Variants in IL34 observed in about 807,000 individuals in gnomAD.
The protein encoded by IL34 is interleukin-34.
A neutral mutation model predicts 25.3 loss-of-function variants in IL34; 17 were observed. The observed-to-expected ratio is 0.67, with a 90% CI of 0.46 to 1.01. The LOEUF (loss-of-function observed/expected upper bound fraction) is 1.01. IL34 is among the 50% of genes least tolerant of loss of function. The pLI is 0.00. For synonymous variants in IL34, 174 were observed against 140.9 expected (o/e 1.23, Z -1.66); for missense variants, 368 against 312.9 (o/e 1.18, Z -1.33).
intron 1 of IL34, among the ~76,000 whole-genome samples, chr16:70,611,620 T>C (rs1048538692): frequency 1.3e-5 from 2 of 149,032 alleles, no homozygotes; most frequent in African/African-American, 5.0e-5. Flanking sequence ...TAAGACCCCA[T>C]ATCTACACAA....
chr16:70,657,744 C>T (rs1259328948), intron 4 of IL34, among the ~76,000 whole-genome samples: 1 of 152,080 alleles, frequency 6.6e-6, no homozygotes, highest in Non-Finnish European at 1.5e-5. Context: ...CATTGCACTC[C>T]AGCTTGGGCA....
In IL34 at chr16:70,646,721, C is replaced by A. The variant is rs74024416; in HGVS notation, c.-227C>A. On this transcript the variant is annotated 5_prime_UTR_variant, in exon 1 of 6. Coordinates refer to ENST00000288098, the MANE Select transcript of IL34 (RefSeq NM_001393494.1). ...TGCTTCTGGGCTGCCATGGGACTTG[C>A]GGCCACCGCCCCCCGGCTGTCCTCC... 82 of 482,764 alleles carry A rather than the reference C, an allele frequency of 1.7e-4. No individual in the cohort carries two copies. Among genetic ancestry groups the A allele is most frequent in the African/African-American group, 1.5e-3 (75 of 49,208 alleles). 29.9% of individuals were successfully genotyped at this position (482,764 alleles called of 1,614,324 possible).
At chr16:70,641,177 G>T (rs1290713381) in intron 1 of IL34, among the ~76,000 whole-genome samples, 4 of 152,150 alleles carry the variant, frequency 2.6e-5, no homozygotes, top group Admixed American at 6.6e-5. Flanking sequence ...GGGAGGCTAA[G>T]CAGGGGAATC....
At chr16:70,626,036 G>A (rs75823368) in intron 1 of IL34, among the ~76,000 whole-genome samples, 2,500 of 152,318 alleles carry the variant, frequency 0.016, 73 homozygotes, top group African/African-American at 0.058. Context: ...CATGAGAAGA[G>A]ACCACCACAC....
intron 1 of IL34, among the ~76,000 whole-genome samples, chr16:70,605,010 C>G (rs1044216189): frequency 6.6e-6 from 1 of 152,030 alleles, no homozygotes; most frequent in African/African-American, 2.4e-5. Context: ...CCTCTCAGAA[C>G]CAGGATTAGG....
intron 1 of IL34, among the ~76,000 whole-genome samples, chr16:70,588,009 AGCCTGGGTGACAGAGTGAGACCCTG>A (rs2050714392): frequency 6.6e-6 from 1 of 152,160 alleles, no homozygotes; most frequent in South Asian, 2.1e-4. Context: ...ACTGCACTCT[AGCCTGGGTGACAGAGTGAGACCCTG>A]TCTCAGAAAC....
At chr16:70,608,512 C>G (rs1201220415) in intron 1 of IL34, among the ~76,000 whole-genome samples, 2 of 152,190 alleles carry the variant, frequency 1.3e-5, no homozygotes, top group African/African-American at 4.8e-5. Flanking sequence ...CTAGGTGCCC[C>G]CAGCACATGG....
intron 1 of IL34, among the ~76,000 whole-genome samples, chr16:70,631,185 T>G (rs1453743448): frequency 1.3e-5 from 2 of 152,226 alleles, no homozygotes; most frequent in Non-Finnish European, 2.9e-5. Flanking sequence ...CTTTGGTTTT[T>G]CCAGTGTCTT....
At chr16:70,603,505 T>C (rs2050951554) in intron 1 of IL34, among the ~76,000 whole-genome samples, 1 of 152,130 alleles carries the variant, frequency 6.6e-6, no homozygotes. Context: ...CTCGAACTCC[T>C]GACCTCAGGT....
In IL34 at chr16:70,600,944, G is replaced by C. The variant is rs1157844177; in HGVS notation, c.-401+20895G>C. 2.8e-3 allele frequency among the ~76,000 whole-genome samples: 429 copies of C among 151,364 alleles called. 2 individuals carry two copies. Among genetic ancestry groups the C allele is most frequent in the African/African-American group, 9.7e-3 (398 of 40,830 alleles). ...ATGCTGGCAGAAGCAGGGCTGCTGG[G>C]AGGAGTAGGGGATGCTGGGAGAAGT... is the stretch of plus-strand genomic sequence containing the variant. On this transcript the variant is annotated intron_variant, in intron 1 of 6. Transcript: ENST00000429149.
intron 1 of IL34, among the ~76,000 whole-genome samples, chr16:70,593,921 T>A (rs1034362129): frequency 3.9e-5 from 6 of 152,224 alleles, no homozygotes; most frequent in Non-Finnish European, 7.3e-5. Context: ...CCTTTGCTCC[T>A]TTGTCAAAGA....
intron 1 of IL34, among the ~76,000 whole-genome samples, chr16:70,596,395 C>A (rs953897089): frequency 6.6e-6 from 1 of 152,194 alleles, no homozygotes. Flanking sequence ...TCTCCAGAGG[C>A]ACAAAGAGGA....
At chr16:70,580,010 C>T (rs868515381) in exon 1 of IL34, 1 of 152,372 alleles carries the variant, frequency 6.6e-6, no homozygotes. Flanking sequence ...CTTAAGGCCA[C>T]CAGCAAATCC....
At chr16:70,600,660 A>G (rs997184333) in intron 1 of IL34, among the ~76,000 whole-genome samples, 2 of 152,244 alleles carry the variant, frequency 1.3e-5, no homozygotes, top group African/African-American at 4.8e-5. Flanking sequence ...GCATAAAATA[A>G]TGTGCATTTT....
intron 1 of IL34, among the ~76,000 whole-genome samples, chr16:70,621,429 A>G (rs2051279795): frequency 6.6e-6 from 1 of 151,768 alleles, no homozygotes; most frequent in African/African-American, 2.4e-5. Flanking sequence ...AGGGACAGTG[A>G]GAGAGGTTGG....
At chr16:70,623,662 G>A (rs1468328066) in intron 1 of IL34, among the ~76,000 whole-genome samples, 8 of 151,880 alleles carry the variant, frequency 5.3e-5, no homozygotes, top group African/African-American at 1.9e-4. Flanking sequence ...TACAAGAGGA[G>A]GATGCAAAGG....
chr16:70,593,400 T>G (rs2050779265), intron 1 of IL34, among the ~76,000 whole-genome samples: 1 of 152,060 alleles, frequency 6.6e-6, no homozygotes, highest in Non-Finnish European at 1.5e-5. Context: ...CTTCTAGAAG[T>G]TTTATAGTTT....
At chr16:70,644,319 G>A (rs1397650260), upstream of IL34, among the ~76,000 whole-genome samples, 1 of 152,080 alleles carries the variant, frequency 6.6e-6, no homozygotes, top group Non-Finnish European at 1.5e-5. Flanking sequence ...ACCCGCCTCG[G>A]CCTCCCAAAG....
chr16:70,642,992 A>G (rs1325182067), upstream of IL34, among the ~76,000 whole-genome samples: 2 of 152,206 alleles, frequency 1.3e-5, no homozygotes, highest in African/African-American at 4.8e-5. Flanking sequence ...CTGTAATTAA[A>G]TAATGGTGAC....
Sources: allele counts gnomAD v4.1 joint callset (sites outside exome capture counted in the v4.1 genomes callset), GRCh38; gene constraint gnomAD v4.1.1; transcripts MANE v1.5; gene names NCBI Gene and HGNC (gene_info 2026-07-23, HGNC 2026-07-21).